The following PAPPA variants were observed in gnomAD, a reference collection of about 807,000 sequenced individuals.
The protein encoded by PAPPA is pappalysin-1.
A neutral mutation model predicts 164.0 loss-of-function variants in PAPPA; 60 were observed. The observed-to-expected ratio is 0.37, with a 90% CI of 0.30 to 0.45. The LOEUF is 0.45. Among genes scored for constraint, PAPPA ranks in the 20% least tolerant of loss-of-function variants. The pLI, the probability that PAPPA is intolerant of heterozygous loss-of-function variation, is 1.00. For synonymous variants in PAPPA, 875 were observed against 814.1 expected, an observed-to-expected ratio of 1.07 and a Z score of -1.27; for missense variants, 1,782 against 2,087.3, an observed-to-expected ratio of 0.85 and a Z score of 2.85.
Position 116,347,536 on chromosome 9 carries a change from G to A in PAPPA, c.3964+327G>A, listed in dbSNP as rs574858487. On this transcript the variant is annotated intron_variant, in intron 15 of 21. Transcript: ENST00000328252. The surrounding 1 kb of genome is among the most constrained non-coding windows in gnomAD (Gnocchi z 4.5). ...AAAAAAAGTTACATTTGGGACTGAT[G>A]AAACTAATTCACTCTGTATGATTAG... 6.6e-6 allele frequency among the ~76,000 whole-genome samples: 1 copy of A among 152,280 alleles called. No homozygotes were observed. The highest frequency in any genetic ancestry group is 1.9e-4 in the East Asian group (1 of 5,170).
At chr9:116,377,748 G>A (rs1323870592) in intron 20 of PAPPA, 101 bp downstream of exon 20, 1 of 854,710 alleles carries the variant, frequency 1.2e-6, no homozygotes, top group Non-Finnish European at 1.9e-6. Flanking sequence ...CATACCTACT[G>A]AGTGTTGAAA....
intron 1 of PAPPA, among the ~76,000 whole-genome samples, chr9:116,177,680 G>A (rs1158507028): frequency 4.6e-5 from 7 of 152,200 alleles, no homozygotes; most frequent in African/African-American, 1.7e-4. Context: ...GGCTTGATGA[G>A]TGAGTGGAGA....
intron 1 of PAPPA, among the ~76,000 whole-genome samples, chr9:116,176,975 C>T (rs1564174532): frequency 7.0e-6 from 1 of 142,682 alleles, no homozygotes; most frequent in Admixed American, 7.0e-5. Flanking sequence ...ACCCCCCCCC[C>T]CAATATTTTT....
At chr9:116,198,070 G>A (rs1844128474) in intron 2 of PAPPA, among the ~76,000 whole-genome samples, 1 of 152,150 alleles carries the variant, frequency 6.6e-6, no homozygotes, top group South Asian at 2.1e-4. Flanking sequence ...CAAATCACAG[G>A]GCTGTTAGTA....
Position 116,187,011 on chromosome 9 carries a change from A to T in PAPPA, c.416-143A>T. The stretch of plus-strand genomic sequence containing the variant: ...TCGAGGTGGTCCCAGAGGCACCATT[A>T]GCAACTCCTAGGATCCCACAGAGCA... On this transcript the variant is annotated intron_variant, in intron 1 of 21. Coordinates refer to ENST00000328252, the MANE Select transcript of PAPPA (RefSeq NM_002581.5). The surrounding 1 kb of genome is among the most constrained non-coding windows in gnomAD (Gnocchi z 4.2). The T allele has an allele frequency of 1.6e-6, 1 of 623,300 alleles. No homozygotes were observed. Among genetic ancestry groups the T allele is most frequent in the Non-Finnish European group, 2.7e-6 (1 of 366,386 alleles). 38.6% of individuals were successfully genotyped at this position (623,300 alleles called of 1,614,324 possible).
chr9:116,254,781 CAA>C (rs143327103), intron 7 of PAPPA, among the ~76,000 whole-genome samples: 21 of 60,366 alleles, frequency 3.5e-4, no homozygotes, highest in Middle Eastern at 8.1e-3. Flanking sequence ...GACTCCGTCT[CAA>C]AAAAAAAAAA....
Position 116,367,719 on chromosome 9 carries a change from G to A in PAPPA, c.4570G>A (p.Asp1524Asn). 1 of 1,614,000 alleles carries A rather than the reference G, an allele frequency of 6.2e-7. No homozygotes were observed. Among genetic ancestry groups the A allele is most frequent in the Non-Finnish European group, 8.5e-7 (1 of 1,179,932 alleles). Residue 1524 changes from aspartate to asparagine, a missense_variant, in exon 19 of 22, where the codon GAC (aspartate) becomes AAC (asparagine). Asp to Asn is a conservative substitution (Grantham distance 23, BLOSUM62 1). This residue lies in a region of PAPPA where 1,324 missense variants were observed against 1,656.9 expected (regional missense o/e 0.80). Coordinates refer to ENST00000328252, the MANE Select transcript of PAPPA (RefSeq NM_002581.5). ...IILPMNVTVR[D>N]IPHWLNPTRV... ...CCTGCCAATGAACGTGACCGTGCGTGACATCCCCCACTGGCTGAACCCCAC... is the reference window on the plus strand; with the variant it reads ...CCTGCCAATGAACGTGACCGTGCGTAACATCCCCCACTGGCTGAACCCCAC...
chr9:116,374,155 G>T (rs200750830), intron 19 of PAPPA, among the ~76,000 whole-genome samples: 126 of 28,902 alleles, frequency 4.4e-3, no homozygotes, highest in African/African-American at 7.6e-3. Context: ...GATGGTGGTA[G>T]TGTTGGTGGT....
In PAPPA at chr9:116,344,625, C is replaced by T. The variant is rs771746130; in HGVS notation, c.3694C>T (p.Arg1232Cys). Reference sequence around the variant, plus strand: ...TTCTCTCAATTGCTCCAGCAGCGACCGCTACCACGGTGCCCAGTGTACTGT... The same window carrying T: ...TTCTCTCAATTGCTCCAGCAGCGACTGCTACCACGGTGCCCAGTGTACTGT... ...NASLNCSSSD[R>C]YHGAQCTVSC... Residue 1232 changes from arginine (R) to cysteine (C), a missense_variant, in exon 14 of 22, where the codon CGC becomes TGC. Transcript: ENST00000328252. 1.5e-5 allele frequency: 24 copies of T among 1,614,040 alleles called. No individual in the cohort carries two copies. The highest frequency in any genetic ancestry group is 6.7e-5 in the East Asian group (3 of 44,892).
At chr9:116,165,745 T>G (rs1455995323) in intron 1 of PAPPA, among the ~76,000 whole-genome samples, 1 of 152,208 alleles carries the variant, frequency 6.6e-6, no homozygotes. Context: ...GCTTATCTTC[T>G]ATTTCCAGTG....
chr9:116,342,368 G>C (rs1349782622), intron 13 of PAPPA, among the ~76,000 whole-genome samples: 3 of 152,208 alleles, frequency 2.0e-5, no homozygotes, highest in African/African-American at 7.2e-5. Flanking sequence ...GAGAATTGGA[G>C]TTGTCTCAAC....
At position 116,335,755 on chromosome 9, in the gene PAPPA, T is replaced by A. The variant is rs996589427; in HGVS notation, c.3611+681T>A. Among the ~76,000 whole-genome samples, 4 of 152,282 alleles carry A rather than the reference T, an allele frequency of 2.6e-5. No homozygotes were observed. In the East Asian group the frequency reaches 7.7e-4, roughly 29 times the overall value. ...GGGTTTGAACCTCCACATTACCACTTCTTGAATGGGTGTTCTTGGGCAAGT... is the reference window on the plus strand; with the variant it reads ...GGGTTTGAACCTCCACATTACCACTACTTGAATGGGTGTTCTTGGGCAAGT... On this transcript the variant is annotated intron_variant, in intron 13 of 21. Coordinates refer to ENST00000328252, the MANE Select transcript of PAPPA (RefSeq NM_002581.5).
At chr9:116,396,437 C>T in intron 21 of PAPPA, 72 bp from the exon 22 acceptor site, 2 of 769,450 alleles carry the variant, frequency 2.6e-6, no homozygotes, top group Non-Finnish European at 2.4e-6. Context: ...TGATTGTATC[C>T]CTGCGCTGCA....
chr9:116,312,104 G>A (rs777885223), intron 10 of PAPPA, among the ~76,000 whole-genome samples: 58 of 152,106 alleles, frequency 3.8e-4, no homozygotes, highest in Non-Finnish European at 1.0e-4. Flanking sequence ...CATCTAGGAA[G>A]ATTCCTTGGC....
intron 10 of PAPPA, among the ~76,000 whole-genome samples, chr9:116,326,108 A>G (rs1413737986): frequency 6.6e-6 from 1 of 152,168 alleles, no homozygotes; most frequent in African/African-American, 2.4e-5. Flanking sequence ...TAGGCTTTCT[A>G]TAAATGGAAA....
In PAPPA at chr9:116,266,019, G is replaced by A. The variant is rs747413143; in HGVS notation, c.2861+34G>A. The A allele has an allele frequency of 1.6e-5, 23 of 1,449,262 alleles. 1 individual carries two copies. In the South Asian group the frequency reaches 1.8e-4, roughly 11 times the overall value. The allele number at this position is 1,449,262 out of a possible 1,614,324, so 89.8% of individuals were successfully genotyped here. On this transcript the variant is annotated intron_variant, in intron 8 of 21. Coordinates refer to ENST00000328252, the MANE Select transcript of PAPPA (RefSeq NM_002581.5). Reference sequence around the variant, plus strand: ...ATCTAATTAAAGAAAGAAGAGGAGGGATGCTGGTTAGGTCAAGAGATGGTT... The same window carrying A: ...ATCTAATTAAAGAAAGAAGAGGAGGAATGCTGGTTAGGTCAAGAGATGGTT...
At chr9:116,245,847 T>C (rs933125206) in intron 7 of PAPPA, among the ~76,000 whole-genome samples, 11 of 152,296 alleles carry the variant, frequency 7.2e-5, no homozygotes, top group African/African-American at 2.6e-4. Context: ...TTGCCACCCA[T>C]GTCTACTTAC....
intron 13 of PAPPA, among the ~76,000 whole-genome samples, chr9:116,343,761 A>ATTTATTTT (rs1846169480): frequency 6.7e-6 from 1 of 150,360 alleles, no homozygotes; most frequent in Non-Finnish European, 1.5e-5. Context: ...TTATTTATTT[A>ATTTATTTT]TTTATTTATT....
Position 116,154,618 on chromosome 9 carries a change from C to A in PAPPA, c.415+31C>A. ...TGAGGGCGCCTCGGCGGGCGCTGCA[C>A]CGTCCCTGCGGCCCCAGAGGCTCGC... On this transcript the variant is annotated intron_variant, in intron 1 of 21. Coordinates refer to ENST00000328252, the MANE Select transcript of PAPPA (RefSeq NM_002581.5). The surrounding 1 kb of genome is among the most constrained non-coding windows in gnomAD (Gnocchi z 5.2). 1 of 1,299,212 alleles carries A rather than the reference C, an allele frequency of 7.7e-7. No homozygotes were observed. Among genetic ancestry groups the A allele is most frequent in the Non-Finnish European group, 9.8e-7 (1 of 1,023,364 alleles). 80.5% of individuals were successfully genotyped at this position (1,299,212 alleles called of 1,614,324 possible).
Sources: allele counts gnomAD v4.1 joint callset (sites outside exome capture counted in the v4.1 genomes callset), GRCh38; gene constraint gnomAD v4.1.1; regional missense constraint gnomAD v4.1.1; non-coding constraint Gnocchi (gnomAD v3.1); transcripts MANE v1.5; gene names NCBI Gene and HGNC (gene_info 2026-07-23, HGNC 2026-07-21).